Variants in CCDC80 observed in about 807,000 individuals in gnomAD.
CCDC80 encodes the protein coiled-coil domain-containing protein 80.
Under a neutral mutation model 78.7 loss-of-function variants are expected in CCDC80, and 49 were observed. The ratio of observed to expected loss-of-function variants is 0.62; its 90% CI spans 0.50 to 0.79. The LOEUF (loss-of-function observed/expected upper bound fraction) is 0.79, where lower values mean the gene tolerates loss of function less well. CCDC80 is among the 30% of genes least tolerant of loss of function. CCDC80 has a pLI of 0.00. For missense variants in CCDC80, 1,205 were observed against 1,198.6 expected, an observed-to-expected ratio of 1.01 and a Z score of -0.08; for synonymous variants, 488 against 447.0, an observed-to-expected ratio of 1.09 and a Z score of -1.16.
intron 7 of CCDC80, among the ~76,000 whole-genome samples, chr3:112,605,979 C>T (rs917687671): frequency 9.2e-5 from 14 of 152,340 alleles, no homozygotes; most frequent in African/African-American, 2.9e-4. Flanking sequence ...CTTTGGGGCA[C>T]TCGATGTGTC....
Position 112,638,218 on chromosome 3 carries a change from A to G in CCDC80, c.1688T>C (p.Leu563Pro). Reference protein sequence around the residue: ...KMKNENADKLLKSEKQMKKSE... With the variant: ...KMKNENADKLPKSEKQMKKSE... ...CTTCTTCATTTGCTTTTCACTCTTAAGTAACTTGTCTGCGTTCTCATTCTT... is the reference window on the plus strand; with the variant it reads ...CTTCTTCATTTGCTTTTCACTCTTAGGTAACTTGTCTGCGTTCTCATTCTT... Residue 563 changes from leucine to proline, a missense_variant, in exon 2 of 8, where the codon CTT (leucine) becomes CCT (proline). Transcript: ENST00000206423. The G allele has an allele frequency of 6.2e-7, 1 of 1,612,814 alleles. No homozygotes were observed.
chr3:112,639,493 G>T lies in CCDC80; in HGVS notation c.413C>A (p.Ser138Tyr), dbSNP rs1171509906. Residue 138 changes from serine (S) to tyrosine (Y), a missense_variant, in exon 2 of 8, where the codon TCT becomes TAT. Ser to Tyr is a moderately radical substitution (Grantham distance 144). Transcript: ENST00000206423. ...TGCAAAGCTGGCAAGGATGTTGGGA[G>T]AGCTGGACCCCGAAGGGAAACGCAA... ...RMLRFPSGSSSPNILASFAGK... is the reference protein window; with the variant it reads ...RMLRFPSGSSYPNILASFAGK... The T allele has an allele frequency of 1.9e-6, 3 of 1,614,208 alleles. No individual in the cohort carries two copies. The East Asian group carries it at 6.7e-5, about 36-fold the overall frequency.
intron 3 of CCDC80, among the ~76,000 whole-genome samples, chr3:112,625,310 A>G (rs1935943461): frequency 1.3e-5 from 2 of 152,218 alleles, no homozygotes; most frequent in Admixed American, 6.5e-5. Context: ...TGTTGTTGGA[A>G]CTGCAACATG....
intron 4 of CCDC80, among the ~76,000 whole-genome samples, chr3:112,617,844 T>C (rs967453734): frequency 6.6e-6 from 1 of 152,258 alleles, no homozygotes; most frequent in Non-Finnish European, 1.5e-5. Context: ...AAAAATTGTT[T>C]AGGGAATGCT....
Position 112,601,034 on chromosome 3 carries a change from C to T in CCDC80, c.*4383G>A, listed in dbSNP as rs984318336. Reference sequence around the variant, plus strand: ...AAGAAAAAATGAGGAGGAAAGTGCTCCATCAAGGAAGAGGGATGAGATGGG... The same window carrying T: ...AAGAAAAAATGAGGAGGAAAGTGCTTCATCAAGGAAGAGGGATGAGATGGG... On this transcript the variant is annotated 3_prime_UTR_variant, in exon 8 of 8. Coordinates refer to ENST00000206423, the MANE Select transcript of CCDC80 (RefSeq NM_199511.3). The T allele has an allele frequency of 4.6e-5, 7 of 152,160 alleles. No individual in the cohort carries two copies. Among genetic ancestry groups the T allele is most frequent in the Non-Finnish European group, 7.3e-5 (5 of 68,032 alleles). The allele number at this position is 152,160 out of a possible 1,614,324, so 9.4% of individuals were successfully genotyped here.
In CCDC80 at chr3:112,618,997, C is replaced by T. The variant is rs761347171; in HGVS notation, c.2143G>A (p.Val715Met). 7.4e-6 allele frequency: 12 copies of T among 1,613,860 alleles called. No individual in the cohort carries two copies. In the East Asian group the frequency reaches 2.5e-4, roughly 33 times the overall value. Reference protein sequence around the residue: ...YGMTYNDFFMVLTDVDLRVKQ... With the variant: ...YGMTYNDFFMMLTDVDLRVKQ... The stretch of plus-strand genomic sequence containing the variant: ...ACTCTCAGATCCACATCTGTTAGCA[C>T]CATGAAGAAGTCATTGTAGGTCATT... Residue 715 changes from valine to methionine, a missense_variant, in exon 4 of 8, where the codon GTG (valine) becomes ATG (methionine). Transcript: ENST00000206423.
rs147873734 is a variant in CCDC80, at chr3:112,604,286, C to A, written c.*1131G>T. 1.6e-4 allele frequency: 24 copies of A among 152,278 alleles called. No homozygotes were observed. Among genetic ancestry groups the A allele is most frequent in the African/African-American group, 5.1e-4 (21 of 41,554 alleles). 9.4% of individuals were successfully genotyped at this position (152,278 alleles called of 1,614,324 possible). On this transcript the variant is annotated 3_prime_UTR_variant, in exon 8 of 8. Transcript: ENST00000206423. Reference sequence around the variant, plus strand: ...ACAGCATCACATGCTGCAGAGAAATCTTTCATGAAGAAAAAGTCAATCGAA... The same window carrying A: ...ACAGCATCACATGCTGCAGAGAAATATTTCATGAAGAAAAAGTCAATCGAA...
Position 112,604,445 on chromosome 3 carries a change from A to C in CCDC80, c.*972T>G, listed in dbSNP as rs1219179792. The stretch of plus-strand genomic sequence containing the variant: ...ATTATGATCATTAGCAATTTTTAGC[A>C]ATAAAGTATTTTTAAAATAAAACAT... On this transcript the variant is annotated 3_prime_UTR_variant, in exon 8 of 8. Transcript: ENST00000206423. 2 of 152,196 alleles carry C rather than the reference A, an allele frequency of 1.3e-5. No individual in the cohort carries two copies. The highest frequency in any genetic ancestry group is 4.8e-5 in the African/African-American group (2 of 41,402). The allele number at this position is 152,196 out of a possible 1,614,324, so 9.4% of individuals were successfully genotyped here. A position where few individuals can be genotyped will look rare whatever the true frequency, so the allele number is the denominator to read the frequency against.
chr3:112,612,589 T>C (rs1399770927), intron 5 of CCDC80, among the ~76,000 whole-genome samples: 1 of 152,208 alleles, frequency 6.6e-6, no homozygotes, highest in Admixed American at 6.5e-5. Flanking sequence ...AAATTGTTTT[T>C]CTGTCACTTT....
Position 112,598,384 on chromosome 3 carries a change from T to C in CCDC80, c.*7033A>G, listed in dbSNP as rs574964009. 3 of 152,314 alleles carry C rather than the reference T, an allele frequency of 2.0e-5. No homozygotes were observed. Among genetic ancestry groups the C allele is most frequent in the African/African-American group, 7.2e-5 (3 of 41,560 alleles). 9.4% of individuals were successfully genotyped at this position (152,314 alleles called of 1,614,324 possible). ...CCTTTATCCTATCAGTTCCACCTAA[T>C]CAACTGTAGTCATCTGAGAGCCAGA... On this transcript the variant is annotated 3_prime_UTR_variant, in exon 8 of 8. Coordinates refer to ENST00000206423, the MANE Select transcript of CCDC80 (RefSeq NM_199511.3).
Position 112,639,134 on chromosome 3 carries a change from AC to A in CCDC80, c.771del (p.Met257IlefsTer30). On this transcript the variant is annotated frameshift_variant, in exon 2 of 8. Coordinates refer to ENST00000206423, the MANE Select transcript of CCDC80 (RefSeq NM_199511.3). LOFTEE classifies it high-confidence loss of function. ...RYPYPVRLEAMYEVIDQGPIR... is the reference protein window; with the variant it reads ...RYPYPVRLEAXYEVIDQGPIR... ...ATGGGGCCTTGGTCGATGACCTCGT[AC>A]ATGGCTTCCAGCCTAACGGGATATG... is the stretch of plus-strand genomic sequence containing the variant. The A allele has an allele frequency of 3.1e-6, 5 of 1,614,144 alleles. No individual in the cohort carries two copies. Among genetic ancestry groups the A allele is most frequent in the Non-Finnish European group, 4.2e-6 (5 of 1,180,028 alleles).
intron 2 of CCDC80, among the ~76,000 whole-genome samples, chr3:112,635,843 G>C (rs897925656): frequency 6.6e-6 from 1 of 152,178 alleles, no homozygotes; most frequent in African/African-American, 2.4e-5. Flanking sequence ...AAATTTATAA[G>C]CAGGGATACT....
At chr3:112,607,606 G>A (rs778620460) in intron 6 of CCDC80, among the ~76,000 whole-genome samples, 2 of 152,090 alleles carry the variant, frequency 1.3e-5, no homozygotes, top group Non-Finnish European at 2.9e-5. Flanking sequence ...CTAACATGGT[G>A]AAACCCCGTC....
rs1320947197 is a variant in CCDC80, at chr3:112,604,734, G to C, written c.*683C>G. The C allele has an allele frequency of 6.6e-6, 1 of 152,174 alleles. No individual in the cohort carries two copies. Among genetic ancestry groups the C allele is most frequent in the Admixed American group, 6.5e-5 (1 of 15,284 alleles). 9.4% of individuals were successfully genotyped at this position (152,174 alleles called of 1,614,324 possible). On this transcript the variant is annotated 3_prime_UTR_variant, in exon 8 of 8. Transcript: ENST00000206423. ...TAGAACTCTGGAAGTATCGCCTTTG[G>C]CTGCAGTGCCAGATTCTGGTGAGGA...
At chr3:112,629,995 C>T in intron 3 of CCDC80, 118 bp downstream of exon 3, 4 of 912,904 alleles carry the variant, frequency 4.4e-6, no homozygotes, top group Non-Finnish European at 6.6e-6. Flanking sequence ...TTATCACAAC[C>T]AAAGAGCCCT....
At position 112,596,845 on chromosome 3, in the gene CCDC80, A is replaced by G. The variant is rs1344788769; in HGVS notation, c.*8572T>C. ...GCAAAGGATATAGTACAAGAAGAAAAAGAGAATACAGATGACATCGGGGGT... is the reference window on the plus strand; with the variant it reads ...GCAAAGGATATAGTACAAGAAGAAAGAGAGAATACAGATGACATCGGGGGT... On this transcript the variant is annotated 3_prime_UTR_variant, in exon 8 of 8. Transcript: ENST00000206423. The G allele has an allele frequency of 1.3e-5, 2 of 152,104 alleles. No individual in the cohort carries two copies. The highest frequency in any genetic ancestry group is 2.9e-5 in the Non-Finnish European group (2 of 68,004). 9.4% of individuals were successfully genotyped at this position (152,104 alleles called of 1,614,324 possible). A position where few individuals can be genotyped will look rare whatever the true frequency, so the allele number is the denominator to read the frequency against.
At position 112,638,899 on chromosome 3, in the gene CCDC80, G is replaced by T; in HGVS notation, c.1007C>A (p.Ala336Asp). 2 of 1,613,502 alleles carry T rather than the reference G, an allele frequency of 1.2e-6. No individual in the cohort carries two copies. The highest frequency in any genetic ancestry group is 1.7e-6 in the Non-Finnish European group (2 of 1,180,002). Residue 336 changes from alanine to aspartate, a missense_variant, in exon 2 of 8, where the codon GCC becomes GAC. Physicochemically the swap from Ala to Asp is moderately radical, Grantham distance 126 (BLOSUM62 -2). Coordinates refer to ENST00000206423, the MANE Select transcript of CCDC80 (RefSeq NM_199511.3). ...SRVKVLRKLA[A>D]TAPALPQPPS... is the part of the protein sequence containing the mutation. ...AGGTTGGGGCAAAGCTGGTGCAGTG[G>T]CGGCCAGTTTTCTCAGGACCTTCAC...
chr3:112,638,523 G>C lies in CCDC80; in HGVS notation c.1383C>G (p.Gly461=). ...TGTCCATGCGGTTGTCCCGGAAACG[G>C]CCTGGGCCAGCAGCCCTTGTGCTGG... ...SEPSTRAAGP[G]RFRDNRMDRR... Residue 461 remains glycine, a synonymous_variant, in exon 2 of 8, where the codon GGC becomes GGG. Transcript: ENST00000206423. 2 of 1,614,052 alleles carry C rather than the reference G, an allele frequency of 1.2e-6. 1 individual carries two copies. Among genetic ancestry groups the C allele is most frequent in the Middle Eastern group, 3.3e-4 (2 of 6,062 alleles).
In CCDC80 at chr3:112,600,843, T is replaced by G. The variant is rs1458203764; in HGVS notation, c.*4574A>C. 6.6e-6 allele frequency: 1 copy of G among 152,182 alleles called. No individual in the cohort carries two copies. The highest frequency in any genetic ancestry group is 2.4e-5 in the African/African-American group (1 of 41,432). The allele number at this position is 152,182 out of a possible 1,614,324, so 9.4% of individuals were successfully genotyped here. A position where few individuals can be genotyped will look rare whatever the true frequency, so the allele number is the denominator to read the frequency against. On this transcript the variant is annotated 3_prime_UTR_variant, in exon 8 of 8. Transcript: ENST00000206423. Reference sequence around the variant, plus strand: ...TATATTTCCTGAAGTTGACATGATTTGGGTCCTTTACTTAGAAATTGTCAT... The same window carrying G: ...TATATTTCCTGAAGTTGACATGATTGGGGTCCTTTACTTAGAAATTGTCAT...
Sources: allele counts gnomAD v4.1 joint callset (sites outside exome capture counted in the v4.1 genomes callset), GRCh38; gene constraint gnomAD v4.1.1; transcripts MANE v1.5; gene names NCBI Gene and HGNC (gene_info 2026-07-23, HGNC 2026-07-21).